The following LAMA2 variants were observed in gnomAD, a reference collection of about 807,000 sequenced individuals.
LAMA2 encodes laminin subunit alpha-2.
In LAMA2, 269 loss-of-function variants were observed where a neutral mutation model predicts 364.8. That is an observed-to-expected ratio of 0.74 (90% CI 0.67 to 0.82). The LOEUF (loss-of-function observed/expected upper bound fraction) is 0.82, where lower values mean the gene tolerates loss of function less well. Ranked by LOEUF, LAMA2 falls within the 40% of genes least tolerant of loss-of-function variation. The probability of loss-of-function intolerance (pLI) is 0.00; values close to 1 mark genes in which losing one functional copy is unlikely to be tolerated. For missense variants in LAMA2, 3,807 were observed against 3,873.2 expected, an observed-to-expected ratio of 0.98 and a Z score of 0.45; for synonymous variants, 1,379 against 1,370.6, an observed-to-expected ratio of 1.01 and a Z score of -0.14.
chr6:129,454,795 T>C (rs1156955704), intron 47 of LAMA2, among the ~76,000 whole-genome samples: 7 of 152,120 alleles, frequency 4.6e-5, no homozygotes, highest in Non-Finnish European at 1.0e-4. Context: ...CTTTGGAGCT[T>C]TAATGCAATT....
Position 129,136,148 on chromosome 6 carries a change from G to A in LAMA2, c.640-7753G>A, listed in dbSNP as rs531739731. ...TTTGTACGTCATGCCCAATGGGAAC[G>A]ATACCAGGATCTTTCACTCAATTCT... On this transcript the variant is annotated intron_variant, in intron 4 of 64. Coordinates refer to ENST00000421865, the MANE Select transcript of LAMA2 (RefSeq NM_000426.4). 5.3e-5 allele frequency among the ~76,000 whole-genome samples: 8 copies of A among 152,032 alleles called. 1 individual carries two copies. The highest frequency in any genetic ancestry group is 9.6e-5 in the African/African-American group (4 of 41,480).
At position 129,283,287 on chromosome 6, in the gene LAMA2, T is replaced by A. The variant is rs372257892; in HGVS notation, c.2537+3140T>A. Among the ~76,000 whole-genome samples the A allele has an allele frequency of 3.9e-4, 59 of 152,230 alleles. 1 individual carries two copies. The South Asian group carries it at 0.012, about 32-fold the overall frequency. On this transcript the variant is annotated intron_variant, in intron 18 of 64. Coordinates refer to ENST00000421865, the MANE Select transcript of LAMA2 (RefSeq NM_000426.4). ...AAAGAGATTAAGTAAGCAATTGGAA[T>A]ATCAAGAGCAATTAAAAAGACTGTT...
chr6:129,052,545 C>T lies in LAMA2; in HGVS notation c.283+2457C>T, dbSNP rs543951303. Among the ~76,000 whole-genome samples, 77 of 152,144 alleles carry T rather than the reference C, an allele frequency of 5.1e-4. No individual in the cohort carries two copies. In the South Asian group the frequency reaches 0.016, roughly 31 times the overall value. On this transcript the variant is annotated intron_variant, in intron 2 of 64. Coordinates refer to ENST00000421865, the MANE Select transcript of LAMA2 (RefSeq NM_000426.4). The stretch of plus-strand genomic sequence containing the variant: ...ACAGAAATTCCCCATATTTCCCCCG[C>T]CCCAACACATGCGTGGACTTCTCCA...
chr6:129,246,215 T>C (rs1267275482), intron 12 of LAMA2, among the ~76,000 whole-genome samples: 1 of 152,194 alleles, frequency 6.6e-6, no homozygotes, highest in Admixed American at 6.5e-5. Context: ...CTTTTCCACA[T>C]TGACTTTTGT....
intron 12 of LAMA2, among the ~76,000 whole-genome samples, chr6:129,247,794 T>C (rs963456839): frequency 8.5e-5 from 13 of 152,360 alleles, no homozygotes; most frequent in Non-Finnish European, 4.4e-5. Context: ...AAACAATGTT[T>C]TACTATTATC....
intron 1 of LAMA2, among the ~76,000 whole-genome samples, chr6:129,024,135 G>A (rs925377195): frequency 6.6e-6 from 1 of 152,024 alleles, no homozygotes; most frequent in African/African-American, 2.4e-5. Flanking sequence ...ACGTTAATTT[G>A]TATTAAAAGC....
intron 48 of LAMA2, 144 bp from the exon 49 acceptor site, chr6:129,460,056 A>T (rs1206333128): frequency 1.3e-6 from 1 of 774,342 alleles, no homozygotes; most frequent in Admixed American, 1.9e-5. Flanking sequence ...ACTATGATGA[A>T]AAGATGAATA....
At chr6:129,289,657 A>G (rs547081099) in intron 19 of LAMA2, among the ~76,000 whole-genome samples, 1 of 151,996 alleles carries the variant, frequency 6.6e-6, no homozygotes, top group Non-Finnish European at 1.5e-5. Context: ...GTAATTAATT[A>G]TTATTTTATT....
chr6:128,931,959 T>A (rs922967337), intron 1 of LAMA2, among the ~76,000 whole-genome samples: 2 of 152,200 alleles, frequency 1.3e-5, no homozygotes, highest in Non-Finnish European at 2.9e-5. Flanking sequence ...TCCAACTGCT[T>A]TAAAAGCACC....
chr6:129,372,324 C>T (rs1443960550), intron 34 of LAMA2, among the ~76,000 whole-genome samples: 1 of 152,166 alleles, frequency 6.6e-6, no homozygotes, highest in Non-Finnish European at 1.5e-5. Context: ...CTTCCTTGAC[C>T]CCTGGCAACC....
chr6:129,397,700 G>A (rs1020938459), intron 37 of LAMA2, among the ~76,000 whole-genome samples: 3 of 151,766 alleles, frequency 2.0e-5, no homozygotes, highest in East Asian at 1.9e-4. Context: ...AGGATCATGA[G>A]GTCAGGAGAT....
intron 12 of LAMA2, among the ~76,000 whole-genome samples, chr6:129,208,687 AAG>A (rs1293938411): frequency 7.1e-5 from 10 of 141,790 alleles, no homozygotes; most frequent in African/African-American, 1.4e-4. Flanking sequence ...GAAGGAAAGA[AAG>A]AAAAAGGAAG....
chr6:128,916,487 G>A (rs1390322717), intron 1 of LAMA2, among the ~76,000 whole-genome samples: 1 of 152,156 alleles, frequency 6.6e-6, no homozygotes. Flanking sequence ...CTTCTGAAAT[G>A]GAGTATGCAG....
intron 45 of LAMA2, among the ~76,000 whole-genome samples, chr6:129,448,289 A>C (rs1301936121): frequency 6.6e-6 from 1 of 151,798 alleles, no homozygotes; most frequent in Non-Finnish European, 1.5e-5. Context: ...TCCCCCCCCA[A>C]AAAAAAAGAG....
At position 129,143,896 on chromosome 6, in the gene LAMA2, T is replaced by C; in HGVS notation, c.640-5T>C. The C allele has an allele frequency of 1.3e-6, 2 of 1,575,548 alleles. No homozygotes were observed. The highest frequency in any genetic ancestry group is 1.1e-5 in the South Asian group (1 of 90,154). On this transcript the variant is annotated splice_polypyrimidine_tract_variant and splice_region_variant and intron_variant, in intron 4 of 64. Transcript: ENST00000421865. ...AATTGTTAAATTATTTTTCATATTG[T>C]GTAGATTCACATCTCTTTAATCAAT...
intron 1 of LAMA2, among the ~76,000 whole-genome samples, chr6:128,936,106 G>T (rs1779795096): frequency 6.6e-6 from 1 of 152,162 alleles, no homozygotes; most frequent in African/African-American, 2.4e-5. Context: ...GCTTCCCCTT[G>T]GCCTTCTGCC....
Position 128,933,799 on chromosome 6 carries a change from G to C in LAMA2, c.112+50442G>C, listed in dbSNP as rs1403179633. ...AAATTGGCTTATTTTGTGTTTTCTTGCTATTGAGTTGTATGAATTCCTTAT... is the reference window on the plus strand; with the variant it reads ...AAATTGGCTTATTTTGTGTTTTCTTCCTATTGAGTTGTATGAATTCCTTAT... On this transcript the variant is annotated intron_variant, in intron 1 of 64. Transcript: ENST00000421865. Among the ~76,000 whole-genome samples the C allele has an allele frequency of 4.6e-5, 7 of 151,998 alleles. No individual in the cohort carries two copies. The East Asian group carries it at 1.3e-3, about 29-fold the overall frequency.
chr6:128,934,171 C>T (rs573240873), intron 1 of LAMA2, among the ~76,000 whole-genome samples: 2 of 152,186 alleles, frequency 1.3e-5, no homozygotes, highest in South Asian at 4.2e-4. Flanking sequence ...CTAGTTTCCC[C>T]AATACAGTTT....
At chr6:129,480,701 G>T (rs1784302604) in intron 54 of LAMA2, among the ~76,000 whole-genome samples, 1 of 152,054 alleles carries the variant, frequency 6.6e-6, no homozygotes, top group Admixed American at 6.6e-5. Flanking sequence ...ACTGAGCAAG[G>T]ACAATGGTAT....
Sources: gnomAD v4.1 joint callset for allele counts (sites outside exome capture counted in the v4.1 genomes callset) on GRCh38, gnomAD v4.1.1 for gene constraint, MANE v1.5 for transcripts, NCBI Gene and HGNC (gene_info 2026-07-23, HGNC 2026-07-21) for gene names.